The following CLASRP variants were observed in gnomAD, a reference collection of about 807,000 sequenced individuals.
The protein encoded by CLASRP is CLK4-associating serine/arginine rich protein.
In CLASRP, 52 loss-of-function variants were observed where a neutral mutation model predicts 99.9. The ratio of observed to expected loss-of-function variants is 0.52; its 90% confidence interval spans 0.42 to 0.66. The LOEUF (loss-of-function observed/expected upper bound fraction) is 0.66, where lower values mean the gene tolerates loss of function less well. CLASRP is among the 30% of genes least tolerant of loss of function. The pLI is 0.00. For missense variants in CLASRP, 848 were observed against 999.2 expected, an observed-to-expected ratio of 0.85 and a Z score of 2.04; for synonymous variants, 379 against 373.0, an observed-to-expected ratio of 1.02 and a Z score of -0.18.
At chr19:45,068,365 T>C in intron 15 of CLASRP, 55 bp from the exon 16 acceptor site, 1 of 780,398 alleles carries the variant, frequency 1.3e-6, no homozygotes, top group Non-Finnish European at 2.1e-6. Flanking sequence ...TGAGGTGGGT[T>C]GTGGGAGCTC....
At chr19:45,051,546 C>T (rs888397675) in intron 2 of CLASRP, among the ~76,000 whole-genome samples, 2 of 151,954 alleles carry the variant, frequency 1.3e-5, no homozygotes, top group South Asian at 2.1e-4. Flanking sequence ...CTTCAGATGA[C>T]CTGCCTGCCT....
chr19:45,040,358 G>A, intron 2 of CLASRP, 47 bp downstream of exon 2: 1 of 1,346,448 alleles, frequency 7.4e-7, no homozygotes, highest in East Asian at 2.4e-5. Flanking sequence ...TGGGTTGGGG[G>A]GCACAGCTGG....
intron 19 of CLASRP, among the ~76,000 whole-genome samples, 198 bp downstream of exon 19, chr19:45,070,302 C>T (rs971035186): frequency 1.1e-4 from 17 of 152,082 alleles, no homozygotes; most frequent in African/African-American, 3.4e-4. Context: ...GACACACATA[C>T]GTACACACAC....
chr19:45,061,500 A>T (rs1177843947), intron 10 of CLASRP, among the ~76,000 whole-genome samples: 2 of 151,394 alleles, frequency 1.3e-5, no homozygotes, highest in Non-Finnish European at 2.9e-5. Context: ...ACAGGGTCTT[A>T]TTCTGTCACC....
rs1600088474 is a variant in CLASRP, at chr19:45,039,100, G to A, written c.-38G>A. On this transcript the variant is annotated 5_prime_UTR_variant, in exon 1 of 21. Coordinates refer to ENST00000221455, the MANE Select transcript of CLASRP (RefSeq NM_007056.3). ...CGCGAGCGCAGCGGTGGGAGGCGGC[G>A]ACCAGCCGGTGAGTGCAGGCTGCGG... 3 of 152,222 alleles carry A rather than the reference G, an allele frequency of 2.0e-5. No individual in the cohort carries two copies. The highest frequency in any genetic ancestry group is 4.8e-5 in the African/African-American group (2 of 41,550). The allele number at this position is 152,222 out of a possible 1,614,324, so 9.4% of individuals were successfully genotyped here. A position where few individuals can be genotyped will look rare whatever the true frequency, so the allele number is the denominator to read the frequency against.
In CLASRP at chr19:45,067,403, C is replaced by A; in HGVS notation, c.1476C>A (p.Ser492Arg). The A allele has an allele frequency of 1.3e-6, 2 of 1,533,622 alleles. No individual in the cohort carries two copies. The highest frequency in any genetic ancestry group is 2.4e-5 in the South Asian group (2 of 83,850). ...GGGGCCTCAGGCACCACAGCAGTAG[C>A]CGCAGCCGCAGCAGCTGGTCCCTCA... ...GGRGLRHHSS[S>R]RSRSSWSLSP... Residue 492 changes from serine (S) to arginine (R), a missense_variant, in exon 14 of 21, where the codon AGC becomes AGA. By Grantham distance (110) the Ser-to-Arg change is moderately radical (BLOSUM62 -1). This residue lies in a region of CLASRP where 489 missense variants were observed against 434.7 expected (regional missense o/e 1.12). Transcript: ENST00000221455. The surrounding 1 kb of genome is among the most constrained non-coding windows in gnomAD (Gnocchi z 4.9).
chr19:45,063,631 G>A (rs1471955539), intron 11 of CLASRP, among the ~76,000 whole-genome samples: 3 of 151,022 alleles, frequency 2.0e-5, no homozygotes, highest in African/African-American at 4.9e-5. Context: ...TGTATTTTTT[G>A]TAGAGACAGG....
rs200545681 is a variant in CLASRP at position 45,068,023 on chromosome 19, C to G, written c.1676C>G (p.Pro559Arg). ...AVGEKLKKTE[P>R]AAGKETGAAK... is the part of the protein sequence containing the mutation. ...GCCCTGCCCCCACCCAGGACCGAAC[C>G]TGCCGCTGGTAAAGAGACAGGAGCT... Residue 559 changes from proline (P) to arginine (R), a missense_variant, in exon 15 of 21, where the codon CCT becomes CGT. Physicochemically the swap from Pro to Arg is moderately radical, Grantham distance 103. Coordinates refer to ENST00000221455, the MANE Select transcript of CLASRP (RefSeq NM_007056.3). 8.7e-6 allele frequency: 14 copies of G among 1,613,774 alleles called. No homozygotes were observed. Among genetic ancestry groups the G allele is most frequent in the African/African-American group, 2.7e-5 (2 of 75,044 alleles).
chr19:45,051,079 C>T (rs915383959), intron 2 of CLASRP, among the ~76,000 whole-genome samples: 2 of 151,954 alleles, frequency 1.3e-5, no homozygotes, highest in African/African-American at 2.4e-5. Context: ...GAAGTGGTAT[C>T]TTGTGGTTCT....
chr19:45,068,467 G>A lies in CLASRP; in HGVS notation c.1755G>A (p.Ala585=), dbSNP rs1345657742. 10 of 1,612,514 alleles carry A rather than the reference G, an allele frequency of 6.2e-6. No individual in the cohort carries two copies. The East Asian group carries it at 8.9e-5, about 14-fold the overall frequency. The change falls in exon 16 of 21, where the codon GCG becomes GCA. Residue 585 remains alanine (A), a synonymous_variant. Coordinates refer to ENST00000221455, the MANE Select transcript of CLASRP (RefSeq NM_007056.3). ...QEKLKLRMQK[A]LNRQFKADKK... ...AGCTGAAACTGAGGATGCAGAAGGC[G>A]CTGAACAGGCAGTGTATGTTCTGCC...
Position 45,067,248 on chromosome 19 carries a change from AAGG to A in CLASRP, c.1410-84_1410-82del, listed in dbSNP as rs1967106571. 1.4e-6 allele frequency: 2 copies of A among 1,383,280 alleles called. No homozygotes were observed. The highest frequency in any genetic ancestry group is 3.0e-5 in the South Asian group (2 of 66,766). 85.7% of individuals were successfully genotyped at this position (1,383,280 alleles called of 1,614,324 possible). ...AGCCTGTCACCCTGGGCCTTGCAGG[AAGG>A]AGGACTGTGGATCCGGACCCAGGGT... On this transcript the variant is annotated intron_variant, in intron 13 of 20. Coordinates refer to ENST00000221455, the MANE Select transcript of CLASRP (RefSeq NM_007056.3). This position sits in a 1 kb window ranked among gnomAD's most constrained non-coding sequence, Gnocchi z 4.9.
At chr19:45,043,974 C>T (rs1199453592) in intron 2 of CLASRP, among the ~76,000 whole-genome samples, 4 of 152,016 alleles carry the variant, frequency 2.6e-5, no homozygotes, top group East Asian at 1.9e-4. Context: ...CTCCGCCTCC[C>T]GGGTTCAAGC....
At chr19:45,044,373 C>A (rs1971875109) in intron 2 of CLASRP, among the ~76,000 whole-genome samples, 1 of 152,214 alleles carries the variant, frequency 6.6e-6, no homozygotes, top group Non-Finnish European at 1.5e-5. Flanking sequence ...TGTGTCTCCG[C>A]TTCATCAAAG....
intron 11 of CLASRP, 100 bp downstream of exon 11, chr19:45,062,295 C>T: frequency 1.3e-6 from 1 of 776,324 alleles, no homozygotes; most frequent in Non-Finnish European, 2.3e-6. Flanking sequence ...GCTAGGCCAC[C>T]CCAAGATCAC....
At chr19:45,064,671 G>A in intron 13 of CLASRP, 41 bp downstream of exon 13, 1 of 1,505,262 alleles carries the variant, frequency 6.6e-7, no homozygotes, top group Non-Finnish European at 8.8e-7. Context: ...GGCTGGGGGG[G>A]CGCGGTCTCC....
At chr19:45,068,311 T>TGCCCC in intron 15 of CLASRP, 109 bp from the exon 16 acceptor site, 46 of 543,376 alleles carry the variant, frequency 8.5e-5, no homozygotes, top group Middle Eastern at 4.9e-4. Flanking sequence ...CACGTCGTTC[T>TGCCCC]CCCCCCCCCA....
intron 2 of CLASRP, among the ~76,000 whole-genome samples, chr19:45,045,343 C>G (rs1023859639): frequency 6.6e-6 from 1 of 152,130 alleles, no homozygotes; most frequent in Non-Finnish European, 1.5e-5. Context: ...TGGTGAAACC[C>G]CGTCTATACC....
intron 11 of CLASRP, among the ~76,000 whole-genome samples, chr19:45,062,617 G>A (rs1204198286): frequency 1.3e-5 from 2 of 152,164 alleles, no homozygotes; most frequent in Non-Finnish European, 2.9e-5. Flanking sequence ...TCCTGACCTC[G>A]TGATCCACCC....
rs1324046192 is a variant in CLASRP at position 45,070,859 on chromosome 19, G to T, written c.*14G>T. ...TACCGACATTAGGCAGAAGAGTGGGGGGTGGGGAGGACAAGGGGGTGGGTA... is the reference window on the plus strand; with the variant it reads ...TACCGACATTAGGCAGAAGAGTGGGTGGTGGGGAGGACAAGGGGGTGGGTA... On this transcript the variant is annotated 3_prime_UTR_variant, in exon 21 of 21. Coordinates refer to ENST00000221455, the MANE Select transcript of CLASRP (RefSeq NM_007056.3). 6.5e-7 allele frequency: 1 copy of T among 1,542,582 alleles called. No homozygotes were observed. Among genetic ancestry groups the T allele is most frequent in the South Asian group, 1.1e-5 (1 of 88,722 alleles).
Sources: allele counts gnomAD v4.1 joint callset (sites outside exome capture counted in the v4.1 genomes callset), GRCh38; gene constraint gnomAD v4.1.1; regional missense constraint gnomAD v4.1.1; non-coding constraint Gnocchi (gnomAD v3.1); transcripts MANE v1.5; gene names NCBI Gene and HGNC (gene_info 2026-07-23, HGNC 2026-07-21).